The following RNF6 variants were observed in gnomAD, a reference collection of about 807,000 sequenced individuals.
RNF6 encodes the protein ring finger protein 6, also known as E3 ubiquitin-protein ligase RNF6.
In RNF6, 21 loss-of-function variants were observed where a neutral mutation model predicts 50.1. The ratio of observed to expected loss-of-function variants is 0.42; its 90% CI spans 0.30 to 0.60. The LOEUF is 0.60. Among genes scored for constraint, RNF6 ranks in the 20% least tolerant of loss-of-function variants. The pLI is 0.20. For synonymous variants in RNF6, 255 were observed against 291.8 expected (o/e 0.87, Z 1.29); for missense variants, 698 against 838.2 (o/e 0.83, Z 2.07).
intron 5 of RNF6, among the ~76,000 whole-genome samples, chr13:26,150,073 T>TAC (rs1170819623): frequency 2.7e-5 from 4 of 148,120 alleles, no homozygotes; most frequent in Middle Eastern, 3.3e-3. Flanking sequence ...TACATATACA[T>TAC]ACACACACAC....
chr13:26,156,787 A>C (rs1013371823), intron 5 of RNF6, among the ~76,000 whole-genome samples: 1 of 152,236 alleles, frequency 6.6e-6, no homozygotes, highest in Non-Finnish European at 1.5e-5. Flanking sequence ...AGAAATCAGA[A>C]CTGCCAGGTA....
At chr13:26,189,785 ACT>A (rs1362407744) in intron 5 of RNF6, among the ~76,000 whole-genome samples, 3 of 151,828 alleles carry the variant, frequency 2.0e-5, no homozygotes, top group African/African-American at 2.4e-5. Flanking sequence ...ATTTATTTAC[ACT>A]CTCTGCTCAA....
chr13:26,221,100 ACAG>A (rs1488728119), intron 2 of RNF6, 145 bp downstream of exon 2: 1 of 152,262 alleles, frequency 6.6e-6, no homozygotes, highest in Non-Finnish European at 1.5e-5. Context: ...TTTCGTAGGT[ACAG>A]CAATAATAGG....
intron 5 of RNF6, among the ~76,000 whole-genome samples, chr13:26,192,531 T>A (rs1206803311): frequency 6.6e-6 from 1 of 152,226 alleles, no homozygotes; most frequent in Non-Finnish European, 1.5e-5. Flanking sequence ...ATTAGAAGAA[T>A]ATTACAAAGG....
intron 5 of RNF6, among the ~76,000 whole-genome samples, chr13:26,168,790 T>C (rs930376507): frequency 1.3e-5 from 2 of 152,134 alleles, no homozygotes; most frequent in African/African-American, 2.4e-5. Flanking sequence ...GGCAGGAGGA[T>C]TGCTCGATTG....
At chr13:26,188,140 C>T (rs1873644795) in intron 5 of RNF6, among the ~76,000 whole-genome samples, 1 of 152,202 alleles carries the variant, frequency 6.6e-6, no homozygotes, top group South Asian at 2.1e-4. Flanking sequence ...TCACAACTGT[C>T]TTGTGGCTCA....
At chr13:26,198,670 A>T (rs1393258422) in intron 5 of RNF6, among the ~76,000 whole-genome samples, 1 of 151,942 alleles carries the variant, frequency 6.6e-6, no homozygotes, top group African/African-American at 2.4e-5. Flanking sequence ...GTTAAAAAAA[A>T]CCATATATAT....
At chr13:26,202,662 T>C (rs529954174) in intron 5 of RNF6, among the ~76,000 whole-genome samples, 200 of 152,258 alleles carry the variant, frequency 1.3e-3, no homozygotes, top group South Asian at 2.3e-3. Context: ...AAAATAAAAC[T>C]TTTAACTGAT....
intron 5 of RNF6, among the ~76,000 whole-genome samples, chr13:26,161,403 T>C (rs909759293): frequency 3.9e-5 from 6 of 152,240 alleles, no homozygotes; most frequent in Admixed American, 3.9e-4. Context: ...ACTGTATGAA[T>C]GGTTTGGGTA....
rs537196508 is a variant in RNF6 at position 26,216,084 on chromosome 13, G to A, written c.290-492C>T. On this transcript the variant is annotated intron_variant, in intron 4 of 4. Transcript: ENST00000381588. Reference sequence around the variant, plus strand: ...TAGAAATTTTTCCTATTTCTCAGGTGCTGCCAAAAATGTACACATCAAGAA... The same window carrying A: ...TAGAAATTTTTCCTATTTCTCAGGTACTGCCAAAAATGTACACATCAAGAA... Among the ~76,000 whole-genome samples the A allele has an allele frequency of 3.9e-4, 59 of 152,276 alleles. No individual in the cohort carries two copies. The South Asian group carries it at 0.011, about 29-fold the overall frequency.
chr13:26,215,748 A>G (rs1869812678), intron 4 of RNF6, among the ~76,000 whole-genome samples, 156 bp from the exon 5 acceptor site: 1 of 152,258 alleles, frequency 6.6e-6, no homozygotes, highest in Admixed American at 6.5e-5. Flanking sequence ...TTCTAAAAGA[A>G]AAGTATATCT....
At chr13:26,217,832 C>T (rs1814198465) in intron 4 of RNF6, among the ~76,000 whole-genome samples, 1 of 152,180 alleles carries the variant, frequency 6.6e-6, no homozygotes, top group South Asian at 2.1e-4. Flanking sequence ...ATTCTGTTAG[C>T]TGAGTGGGTT....
intron 5 of RNF6, among the ~76,000 whole-genome samples, chr13:26,180,335 A>G (rs1474067114): frequency 6.6e-6 from 1 of 152,162 alleles, no homozygotes; most frequent in African/African-American, 2.4e-5. Flanking sequence ...GCAACCCTGC[A>G]ACATGTCAAG....
intron 5 of RNF6, among the ~76,000 whole-genome samples, chr13:26,161,305 A>C (rs1319435010): frequency 2.0e-5 from 3 of 152,200 alleles, no homozygotes; most frequent in South Asian, 2.1e-4. Flanking sequence ...AAATATGCTC[A>C]TTTAATCTTC....
At chr13:26,159,481 C>T (rs533094669) in intron 5 of RNF6, among the ~76,000 whole-genome samples, 6 of 151,990 alleles carry the variant, frequency 3.9e-5, no homozygotes, top group Non-Finnish European at 5.9e-5. Flanking sequence ...AAAAATTAAC[C>T]GGGCATGGTG....
downstream of RNF6, chr13:26,212,654 T>C (rs532760711): frequency 5.7e-4 from 87 of 151,698 alleles, no homozygotes; most frequent in African/African-American, 2.0e-3. Context: ...AGCCAGGGAC[T>C]TTTGTCTGTC....
At chr13:26,222,606 T>C (rs3759468), upstream of RNF6, 35,183 of 152,316 alleles carry the variant, frequency 0.23, 4,319 homozygotes, top group East Asian at 0.43. Flanking sequence ...TCCCTTGCTG[T>C]GCTTTGGAAC....
In RNF6 at chr13:26,156,035, CAA is replaced by C. The variant is rs370436023; in HGVS notation, n.769-23586_769-23585del. Among the ~76,000 whole-genome samples the C allele has an allele frequency of 4.0e-3, 608 of 152,144 alleles. 7 individuals are homozygous for C. Among genetic ancestry groups the C allele is most frequent in the African/African-American group, 0.014 (570 of 41,508 alleles). Reference sequence around the variant, plus strand: ...GAAAACACAATAACAGAACTGTGGCCAAATATACATTATATATAGTAAATATA... The same window carrying C: ...GAAAACACAATAACAGAACTGTGGCCATATACATTATATATAGTAAATATA... On this transcript the variant is annotated intron_variant and non_coding_transcript_variant, in intron 5 of 5. Transcript: ENST00000468480.
chr13:26,137,597 A>G lies in RNF6; in HGVS notation n.769-5146T>C, dbSNP rs560907618. The stretch of plus-strand genomic sequence containing the variant: ...TAGAAGGAATTATGTTGAAAGAAAT[A>G]ATATATAAGAATATGTCTCACTAAA... On this transcript the variant is annotated intron_variant and non_coding_transcript_variant, in intron 5 of 5. Coordinates refer to the RNF6 transcript ENST00000468480. 1.8e-3 allele frequency among the ~76,000 whole-genome samples: 273 copies of G among 151,724 alleles called. 2 individuals are homozygous for G. The highest frequency in any genetic ancestry group is 6.4e-3 in the African/African-American group (265 of 41,418).
Sources: allele counts gnomAD v4.1 joint callset (sites outside exome capture counted in the v4.1 genomes callset), GRCh38; gene constraint gnomAD v4.1.1; transcripts MANE v1.5; gene names NCBI Gene and HGNC (gene_info 2026-07-23, HGNC 2026-07-21).